TDP1: variants seen among roughly 807,000 people sequenced by gnomAD.
TDP1 encodes the protein tyr-DNA phosphodiesterase 1.
In TDP1, 64 loss-of-function variants were observed where a neutral mutation model predicts 81.5. The ratio of observed to expected loss-of-function variants is 0.79; its 90% CI spans 0.64 to 0.97. The LOEUF (loss-of-function observed/expected upper bound fraction) is 0.97. TDP1 is among the 50% of genes least tolerant of loss of function. The pLI is 0.00. For synonymous variants in TDP1, 256 were observed against 264.3 expected (o/e 0.97, Z 0.30); for missense variants, 723 against 743.8 (o/e 0.97, Z 0.33).
intron 15 of TDP1, 67 bp from the exon 16 acceptor site, chr14:90,033,039 C>T: frequency 8.0e-7 from 1 of 1,249,948 alleles, no homozygotes; most frequent in South Asian, 1.3e-5. Flanking sequence ...TTCTTGAGGC[C>T]TTCTGGTTTT....
At chr14:90,026,967 A>ATAT (rs1264579355) in intron 15 of TDP1, among the ~76,000 whole-genome samples, 1 of 152,200 alleles carries the variant, frequency 6.6e-6, no homozygotes, top group African/African-American at 2.4e-5. Context: ...TCCTTTGGGT[A>ATAT]TATACCCAGT....
At position 90,043,849 on chromosome 14, in the gene TDP1, T is replaced by C. The variant is rs924881700; in HGVS notation, c.*706T>C. 6.6e-6 allele frequency: 1 copy of C among 152,390 alleles called. No homozygotes were observed. Among genetic ancestry groups the C allele is most frequent in the Admixed American group, 6.5e-5 (1 of 15,276 alleles). The allele number at this position is 152,390 out of a possible 1,614,324, so 9.4% of individuals were successfully genotyped here. On this transcript the variant is annotated 3_prime_UTR_variant, in exon 17 of 17. Coordinates refer to ENST00000335725, the MANE Select transcript of TDP1 (RefSeq NM_018319.4). Reference sequence around the variant, plus strand: ...ATTGACTTTGTGCTTCCACCCTCCATCCAGAAAGGCACCCTTCATTCCACC... The same window carrying C: ...ATTGACTTTGTGCTTCCACCCTCCACCCAGAAAGGCACCCTTCATTCCACC...
Position 89,989,048 on chromosome 14 carries a change from G to A in TDP1, c.1275G>A (p.Lys425=). The A allele has an allele frequency of 6.2e-7, 1 of 1,614,098 alleles. No individual in the cohort carries two copies. The highest frequency in any genetic ancestry group is 8.5e-7 in the Non-Finnish European group (1 of 1,179,988). Residue 425 remains lysine (K), a synonymous_variant, in exon 11 of 17, where the codon AAG becomes AAA. Transcript: ENST00000335725. ...AAGAGAGCATGCTGACACTGGGGAA[G>A]GAAAGCAAGACTCCAGGAAAAAGCT... ...EFKESMLTLG[K]ESKTPGKSSV...
chr14:89,968,259 C>T (rs1893184172), intron 5 of TDP1, among the ~76,000 whole-genome samples: 1 of 150,086 alleles, frequency 6.7e-6, no homozygotes, highest in Admixed American at 6.7e-5. Flanking sequence ...CAAATTGTTT[C>T]CAGCGTGACA....
At chr14:89,988,225 T>C (rs1895787021) in intron 10 of TDP1, among the ~76,000 whole-genome samples, 1 of 152,232 alleles carries the variant, frequency 6.6e-6, no homozygotes, top group African/African-American at 2.4e-5. Flanking sequence ...GAAAGCTCCC[T>C]AAACCCTGTC....
At chr14:89,977,084 G>T (rs1894425334) in intron 7 of TDP1, among the ~76,000 whole-genome samples, 2 of 152,132 alleles carry the variant, frequency 1.3e-5, no homozygotes, top group Admixed American at 1.3e-4. Context: ...GAGCCTGCAA[G>T]GCGGAGGTTG....
At chr14:89,968,026 AAC>A (rs1372329962) in intron 5 of TDP1, among the ~76,000 whole-genome samples, 2 of 152,206 alleles carry the variant, frequency 1.3e-5, no homozygotes, top group Admixed American at 6.5e-5. Context: ...GATGGAGGAA[AAC>A]ACACAAGAAA....
chr14:90,007,699 G>A (rs760719200), intron 14 of TDP1, among the ~76,000 whole-genome samples: 42 of 152,022 alleles, frequency 2.8e-4, no homozygotes, highest in African/African-American at 7.2e-4. Context: ...TCCACTTCTC[G>A]GGCTCAAGTC....
intron 15 of TDP1, among the ~76,000 whole-genome samples, chr14:90,030,791 A>G: frequency 6.7e-6 from 1 of 148,598 alleles, no homozygotes; most frequent in African/African-American, 2.5e-5. Context: ...TTTGAGATGG[A>G]GTTTCACTCT....
intron 16 of TDP1, among the ~76,000 whole-genome samples, chr14:90,042,044 G>A (rs1252252260): frequency 6.6e-6 from 1 of 152,208 alleles, no homozygotes; most frequent in East Asian, 1.9e-4. Flanking sequence ...AAGAGGGACG[G>A]AGGAGGTGGA....
chr14:90,021,926 G>T (rs34034519), intron 15 of TDP1, among the ~76,000 whole-genome samples: 20 of 152,222 alleles, frequency 1.3e-4, no homozygotes, highest in Non-Finnish European at 2.1e-4. Flanking sequence ...GCAGGCTTCC[G>T]TCATGACCCT....
chr14:90,026,664 GT>G, intron 15 of TDP1, among the ~76,000 whole-genome samples: 1 of 152,042 alleles, frequency 6.6e-6, no homozygotes, highest in Middle Eastern at 3.4e-3. Flanking sequence ...CTGTGTCCAT[GT>G]GTTCTCATTG....
rs77203375 is a variant in TDP1, at chr14:90,001,423, A to G, written c.1541+7940A>G. 4.3e-3 allele frequency among the ~76,000 whole-genome samples: 651 copies of G among 152,350 alleles called. 1 individual carries two copies. Among genetic ancestry groups the G allele is most frequent in the African/African-American group, 0.014 (577 of 41,580 alleles). ...AAAATCTGCACCAAAACCTTTTTTAATGAAGTTTCTGTTGAACTATCTGCA... is the reference window on the plus strand; with the variant it reads ...AAAATCTGCACCAAAACCTTTTTTAGTGAAGTTTCTGTTGAACTATCTGCA... On this transcript the variant is annotated intron_variant, in intron 14 of 16. Transcript: ENST00000335725.
intron 15 of TDP1, among the ~76,000 whole-genome samples, chr14:90,027,849 T>C (rs754969168): frequency 8.5e-5 from 13 of 152,196 alleles, no homozygotes; most frequent in Non-Finnish European, 1.5e-4. Context: ...TTTACAACAG[T>C]GCCTGGTACT....
At chr14:89,965,798 A>G in intron 3 of TDP1, 4 of 985,046 alleles carry the variant, frequency 4.1e-6, no homozygotes, top group Non-Finnish European at 4.8e-6. Context: ...TTTCCTGGAG[A>G]GGGACTTGAA....
Position 89,984,727 on chromosome 14 carries a change from TA to T in TDP1, c.1052+45del, listed in dbSNP as rs761016375. The T allele has an allele frequency of 1.9e-6, 3 of 1,608,884 alleles. No homozygotes were observed. The African/African-American group carries it at 4.0e-5, about 21-fold the overall frequency. ...ATTTGGGGTGCTTATGATAGGCTTA[TA>T]CCTTGGGAGCCTCATGAGGTCTGGC... On this transcript the variant is annotated intron_variant, in intron 9 of 16. Coordinates refer to ENST00000335725, the MANE Select transcript of TDP1 (RefSeq NM_018319.4).
chr14:90,019,529 G>C (rs1885720635), intron 15 of TDP1, 111 bp downstream of exon 15: 2 of 719,752 alleles, frequency 2.8e-6, no homozygotes, highest in Non-Finnish European at 5.1e-6. Context: ...AAACAGTCGG[G>C]ATTCTTACCC....
intron 1 of TDP1, 183 bp downstream of exon 1, chr14:89,956,153 G>A (rs1891563614): frequency 6.6e-6 from 1 of 152,354 alleles, no homozygotes; most frequent in Non-Finnish European, 1.5e-5. Context: ...CGGCCCCGGG[G>A]CCTCGGTTTC....
intron 2 of TDP1, among the ~76,000 whole-genome samples, chr14:89,958,565 A>C (rs1338762314): frequency 6.6e-6 from 1 of 152,220 alleles, no homozygotes; most frequent in Non-Finnish European, 1.5e-5. Flanking sequence ...TATGCAAAAA[A>C]GGCTAAAACA....
Sources: gnomAD v4.1 joint callset for allele counts (sites outside exome capture counted in the v4.1 genomes callset) on GRCh38, gnomAD v4.1.1 for gene constraint, MANE v1.5 for transcripts, NCBI Gene and HGNC (gene_info 2026-07-23, HGNC 2026-07-21) for gene names.